The following CLMP variants were observed in gnomAD, a reference collection of about 807,000 sequenced individuals.
CLMP encodes the protein CXADR like cell adhesion molecule.
A neutral mutation model predicts 45.2 loss-of-function variants in CLMP; 27 were observed. The ratio of observed to expected loss-of-function variants is 0.60; its 90% CI spans 0.44 to 0.82. CLMP has a LOEUF of 0.82. Among genes scored for constraint, CLMP ranks in the 40% least tolerant of loss-of-function variants. The pLI is 0.00. For missense variants in CLMP, 403 were observed against 448.4 expected (o/e 0.90, Z 0.91); for synonymous variants, 167 against 171.4 (o/e 0.97, Z 0.20).
chr11:123,070,311 A>T lies in CLMP; in HGVS notation c.*3163T>A, dbSNP rs1454701850. 1.3e-5 allele frequency: 2 copies of T among 152,228 alleles called. No individual in the cohort carries two copies. Among genetic ancestry groups the T allele is most frequent in the Non-Finnish European group, 2.9e-5 (2 of 68,044 alleles). 9.4% of individuals were successfully genotyped at this position (152,228 alleles called of 1,614,324 possible). A position where few individuals can be genotyped will look rare whatever the true frequency, so the allele number is the denominator to read the frequency against. ...TGGAACCAGTAGGGCCTCTAACTTAAGCCCAGAACCTGTCAAAGAGAAGTG... is the reference window on the plus strand; with the variant it reads ...TGGAACCAGTAGGGCCTCTAACTTATGCCCAGAACCTGTCAAAGAGAAGTG... On this transcript the variant is annotated 3_prime_UTR_variant, in exon 7 of 7. Transcript: ENST00000448775.
chr11:123,077,363 C>T (rs1865753527), intron 5 of CLMP, among the ~76,000 whole-genome samples: 1 of 151,974 alleles, frequency 6.6e-6, no homozygotes, highest in Non-Finnish European at 1.5e-5. Context: ...CAGAGTTTTG[C>T]TCTTGTTGCC....
intron 1 of CLMP, among the ~76,000 whole-genome samples, chr11:123,150,471 GAAA>G (rs1565397374): frequency 1.9e-3 from 195 of 103,328 alleles, no homozygotes; most frequent in Non-Finnish European, 2.5e-3. Flanking sequence ...AAGAAAGAAA[GAAA>G]GAAAGAAAGG....
chr11:123,161,859 T>C (rs1337077608), intron 1 of CLMP, among the ~76,000 whole-genome samples: 1 of 152,204 alleles, frequency 6.6e-6, no homozygotes, highest in Non-Finnish European at 1.5e-5. Context: ...TCCAGCAATC[T>C]GTGTCTTCAC....
At chr11:123,137,912 A>G (rs1307950182) in intron 1 of CLMP, among the ~76,000 whole-genome samples, 1 of 152,062 alleles carries the variant, frequency 6.6e-6, no homozygotes, top group Non-Finnish European at 1.5e-5. Context: ...CCAAAGTCAG[A>G]TCCTCTAACT....
At chr11:123,192,041 G>A (rs969864945) in intron 1 of CLMP, among the ~76,000 whole-genome samples, 2 of 152,198 alleles carry the variant, frequency 1.3e-5, no homozygotes, top group Admixed American at 6.5e-5. Context: ...GTGAGACTTG[G>A]GGAATGAACA....
rs113372222 is a variant in CLMP at position 123,189,866 on chromosome 11, A to G, written c.28+5047T>C. Among the ~76,000 whole-genome samples the G allele has an allele frequency of 5.2e-3, 795 of 151,958 alleles. 8 individuals are homozygous for G. Among genetic ancestry groups the G allele is most frequent in the African/African-American group, 0.017 (706 of 41,462 alleles). Reference sequence around the variant, plus strand: ...AAATACAAAAAATTAGCTGGGCGTGATGGTGGGTGCCTGTAATCCCAGCTA... The same window carrying G: ...AAATACAAAAAATTAGCTGGGCGTGGTGGTGGGTGCCTGTAATCCCAGCTA... On this transcript the variant is annotated intron_variant, in intron 1 of 6. Transcript: ENST00000448775.
At chr11:123,147,876 G>C (rs553801676) in intron 1 of CLMP, among the ~76,000 whole-genome samples, 1 of 150,656 alleles carries the variant, frequency 6.6e-6, no homozygotes, top group South Asian at 2.1e-4. Context: ...TCAGTGGTGT[G>C]ATCATGGCTC....
chr11:123,119,902 G>A (rs1414976131), intron 1 of CLMP, among the ~76,000 whole-genome samples: 1 of 152,120 alleles, frequency 6.6e-6, no homozygotes, highest in African/African-American at 2.4e-5. Context: ...GGCTAGGCTG[G>A]TCTCGAACTC....
At chr11:123,114,176 A>G (rs1300441764) in intron 1 of CLMP, among the ~76,000 whole-genome samples, 1 of 152,228 alleles carries the variant, frequency 6.6e-6, no homozygotes, top group Non-Finnish European at 1.5e-5. Flanking sequence ...CTTACTATGA[A>G]AAAGAAAATA....
At chr11:123,110,516 G>T (rs1860623624) in intron 1 of CLMP, among the ~76,000 whole-genome samples, 1 of 151,904 alleles carries the variant, frequency 6.6e-6, no homozygotes, top group Non-Finnish European at 1.5e-5. Flanking sequence ...CTACTAGGGA[G>T]GCTTAGACAG....
intron 1 of CLMP, among the ~76,000 whole-genome samples, chr11:123,141,865 G>A (rs7106843): frequency 0.43 from 64,732 of 151,738 alleles, 15,100 homozygotes; most frequent in African/African-American, 0.62. Flanking sequence ...TAACTCCTTC[G>A]CTTTTGTATG....
rs891090788 is a variant in CLMP at position 123,073,670 on chromosome 11, T to C, written c.926A>G (p.Asn309Ser). The part of the protein sequence containing the change: ...SGSSSTRSTA[N>S]SASRSQRTLS... Reference sequence around the variant, plus strand: ...TGTCCGCTGGCTGCGTGAGGCACTATTTGCTGTGGAGCGAGTGGAGGAAGA... The same window carrying C: ...TGTCCGCTGGCTGCGTGAGGCACTACTTGCTGTGGAGCGAGTGGAGGAAGA... The change falls in exon 7 of 7, where the codon AAT becomes AGT. Residue 309 changes from asparagine (N) to serine (S), a missense_variant. Asn to Ser is a conservative substitution (Grantham distance 46, BLOSUM62 1). Coordinates refer to ENST00000448775, the MANE Select transcript of CLMP (RefSeq NM_024769.5). 1.1e-5 allele frequency: 17 copies of C among 1,614,220 alleles called. No homozygotes were observed. Among genetic ancestry groups the C allele is most frequent in the Non-Finnish European group, 1.4e-5 (16 of 1,180,042 alleles).
rs1860507858 is a variant in CLMP at position 123,104,550 on chromosome 11, A to G, written c.29-6598T>C. 3.3e-5 allele frequency among the ~76,000 whole-genome samples: 5 copies of G among 151,158 alleles called. No homozygotes were observed. The South Asian group carries it at 1.0e-3, about 32-fold the overall frequency. ...CAGGCAGGCGCCACCATGCTCAGCT[A>G]ATTTTTTGTATCTTTAGTAGAGACG... On this transcript the variant is annotated intron_variant, in intron 1 of 6. Transcript: ENST00000448775.
chr11:123,129,475 T>A (rs1263720291), intron 1 of CLMP, among the ~76,000 whole-genome samples: 1 of 141,376 alleles, frequency 7.1e-6, no homozygotes, highest in Admixed American at 7.6e-5. Flanking sequence ...TATGATATAT[T>A]ATAGATTATA....
At chr11:123,192,359 T>G (rs1335191611) in intron 1 of CLMP, among the ~76,000 whole-genome samples, 4 of 152,208 alleles carry the variant, frequency 2.6e-5, no homozygotes, top group Non-Finnish European at 5.9e-5. Context: ...CCTACCCCTA[T>G]GCCCATTGTA....
chr11:123,194,952 G>C lies in CLMP; in HGVS notation c.-12C>G, dbSNP rs762865299. On this transcript the variant is annotated 5_prime_UTR_variant, in exon 1 of 7. Coordinates refer to ENST00000448775, the MANE Select transcript of CLMP (RefSeq NM_024769.5). ...AGGAGGAGGGACATCCCGATCCCCG[G>C]ACGCGGGCGCTTCCCCGCTCAGCTG... 6.2e-7 allele frequency: 1 copy of C among 1,611,862 alleles called. No individual in the cohort carries two copies. Among genetic ancestry groups the C allele is most frequent in the Non-Finnish European group, 8.5e-7 (1 of 1,178,998 alleles).
rs140648736 is a variant in CLMP, at chr11:123,156,910, A to G, written c.28+38003T>C. On this transcript the variant is annotated intron_variant, in intron 1 of 6. Transcript: ENST00000448775. ...ACTCTGCCTTTTACTTTGTTAAGCA[A>G]TTATTTTGGTTAAGATTTCTATTCA... is the stretch of plus-strand genomic sequence containing the variant. Among the ~76,000 whole-genome samples, 1,025 of 152,306 alleles carry G rather than the reference A, an allele frequency of 6.7e-3. 8 individuals are homozygous for G. Among genetic ancestry groups the G allele is most frequent in the African/African-American group, 0.022 (901 of 41,560 alleles).
chr11:123,168,912 A>G (rs952265994), intron 1 of CLMP, among the ~76,000 whole-genome samples: 3 of 152,122 alleles, frequency 2.0e-5, no homozygotes, highest in Non-Finnish European at 4.4e-5. Context: ...CTTTGCACAG[A>G]ACGTGCGGCA....
intron 6 of CLMP, among the ~76,000 whole-genome samples, 187 bp from the exon 7 acceptor site, chr11:123,073,961 G>T (rs1011453488): frequency 6.6e-6 from 1 of 152,056 alleles, no homozygotes; most frequent in Non-Finnish European, 1.5e-5. Context: ...TGTATATTTT[G>T]TTAGCCCACA....
Sources: gnomAD v4.1 joint callset for allele counts (sites outside exome capture counted in the v4.1 genomes callset) on GRCh38, gnomAD v4.1.1 for gene constraint, MANE v1.5 for transcripts, NCBI Gene and HGNC (gene_info 2026-07-23, HGNC 2026-07-21) for gene names.